The following NPHP3 variants were observed in gnomAD, a reference collection of about 807,000 sequenced individuals.
NPHP3 encodes nephrocystin-3.
A neutral mutation model predicts 171.9 loss-of-function variants in NPHP3; 123 were observed. The observed-to-expected ratio is 0.72, with a 90% confidence interval of 0.62 to 0.83. The LOEUF is 0.83. Among genes scored for constraint, NPHP3 ranks in the 40% least tolerant of loss-of-function variants. NPHP3 has a pLI of 0.00. For synonymous variants in NPHP3, 558 were observed against 579.2 expected, an observed-to-expected ratio of 0.96 and a Z score of 0.52; for missense variants, 1,506 against 1,591.9, an observed-to-expected ratio of 0.95 and a Z score of 0.92.
At position 132,690,508 on chromosome 3, in the gene NPHP3, T is replaced by A. The variant is rs767844893; in HGVS notation, c.2693+20A>T. The A allele has an allele frequency of 5.6e-6, 9 of 1,606,450 alleles. No homozygotes were observed. The highest frequency in any genetic ancestry group is 7.7e-6 in the Non-Finnish European group (9 of 1,173,224). Reference sequence around the variant, plus strand: ...TTAAATCTCTCTTTCTGGGGAAAGATGTTCTATAATGTTTCTTACCTTTTA... The same window carrying A: ...TTAAATCTCTCTTTCTGGGGAAAGAAGTTCTATAATGTTTCTTACCTTTTA... On this transcript the variant is annotated intron_variant, in intron 19 of 26. Transcript: ENST00000337331.
intron 21 of NPHP3, 83 bp downstream of exon 21, chr3:132,688,563 GTGAT>G (rs1939218924): frequency 2.1e-6 from 3 of 1,405,170 alleles, no homozygotes; most frequent in Non-Finnish European, 3.0e-6. Flanking sequence ...AAAGTACACA[GTGAT>G]AAAACAAAGC....
chr3:132,699,840 A>G (rs932058140), intron 12 of NPHP3, 78 bp downstream of exon 12: 24 of 1,463,540 alleles, frequency 1.6e-5, no homozygotes, highest in South Asian at 9.2e-5. Context: ...TCACAAACAT[A>G]TAAATGCCTG....
Position 132,719,008 on chromosome 3 carries a change from C to A in NPHP3, c.656G>T (p.Cys219Phe). ...DPGESDSDDN[C>F]TDVTAAGTQC... is the part of the protein sequence containing the mutation. ...TATACACTTACCAGTGACATCTGTACAGTTGTCATCTGAATCAGACTCCCC... is the reference window on the plus strand; with the variant it reads ...TATACACTTACCAGTGACATCTGTAAAGTTGTCATCTGAATCAGACTCCCC... The change falls in exon 3 of 27, where the codon TGT (cysteine) becomes TTT (phenylalanine). Residue 219 changes from cysteine to phenylalanine, a missense_variant. This residue lies in a region of NPHP3 where 930 missense variants were observed against 924.9 expected (regional missense o/e 1.01). Transcript: ENST00000337331. 6.2e-7 allele frequency: 1 copy of A among 1,614,120 alleles called. No homozygotes were observed. The highest frequency in any genetic ancestry group is 8.5e-7 in the Non-Finnish European group (1 of 1,179,998).
chr3:132,691,050 T>C, intron 18 of NPHP3, 142 bp downstream of exon 18: 1 of 759,814 alleles, frequency 1.3e-6, no homozygotes, highest in Non-Finnish European at 2.3e-6. Flanking sequence ...CTTTTGACAT[T>C]AACAGAATAG....
chr3:132,705,375 G>A (rs757959407), intron 8 of NPHP3, among the ~76,000 whole-genome samples: 1 of 152,052 alleles, frequency 6.6e-6, no homozygotes, highest in Non-Finnish European at 1.5e-5. Flanking sequence ...ATAACATGGG[G>A]GGAAAACCTG....
At chr3:132,704,087 T>C (rs1217078935) in intron 9 of NPHP3, 111 bp downstream of exon 9, 5 of 1,084,024 alleles carry the variant, frequency 4.6e-6, no homozygotes, top group Non-Finnish European at 7.1e-6. Flanking sequence ...GCCATGAGAT[T>C]AGACAACTAA....
At position 132,700,378 on chromosome 3, in the gene NPHP3, T is replaced by C. The variant is rs1323697897; in HGVS notation, c.1699A>G (p.Thr567Ala). ...LSHFVGRPMSTSSESSLIIKR... is the reference protein window; with the variant it reads ...LSHFVGRPMSASSESSLIIKR... ...ATAATCAAGGAGGACTCTGAGCTGG[T>C]TGACATGGGCCTTCCCACAAAATGG... Residue 567 changes from threonine to alanine, a missense_variant, in exon 11 of 27, where the codon ACC (threonine) becomes GCC (alanine). Thr to Ala is a moderately conservative substitution (Grantham distance 58). Coordinates refer to ENST00000337331, the MANE Select transcript of NPHP3 (RefSeq NM_153240.5). 1 of 1,613,482 alleles carries C rather than the reference T, an allele frequency of 6.2e-7. No homozygotes were observed. The highest frequency in any genetic ancestry group is 8.5e-7 in the Non-Finnish European group (1 of 1,179,526).
chr3:132,708,379 C>T (rs1939815186), intron 6 of NPHP3, 122 bp from the exon 7 acceptor site: 4 of 915,060 alleles, frequency 4.4e-6, no homozygotes, highest in Admixed American at 1.9e-5. Context: ...AAAGGTCCAA[C>T]TGCACAACAA....
chr3:132,690,519 G>A lies in NPHP3; in HGVS notation c.2693+9C>T, dbSNP rs754254215. ...TTTCTGGGGAAAGATGTTCTATAAT[G>A]TTTCTTACCTTTTATAAAGGTTTTG... On this transcript the variant is annotated intron_variant, in intron 19 of 26. Coordinates refer to ENST00000337331, the MANE Select transcript of NPHP3 (RefSeq NM_153240.5). The A allele has an allele frequency of 3.7e-6, 6 of 1,611,248 alleles. No homozygotes were observed. Among genetic ancestry groups the A allele is most frequent in the Non-Finnish European group, 8.5e-7 (1 of 1,177,522 alleles).
At chr3:132,701,586 C>T (rs1939607355) in intron 9 of NPHP3, 53 bp from the exon 10 acceptor site, 1 of 1,103,870 alleles carries the variant, frequency 9.1e-7, no homozygotes, top group African/African-American at 1.5e-5. Flanking sequence ...TCTGAGACTA[C>T]TGAAGAGTCA....
chr3:132,697,362 C>G lies in NPHP3; in HGVS notation c.1986G>C (p.Arg662Ser), dbSNP rs77533254. 1.3e-6 allele frequency: 2 copies of G among 1,593,464 alleles called. No homozygotes were observed. Among genetic ancestry groups the G allele is most frequent in the Non-Finnish European group, 8.6e-7 (1 of 1,163,830 alleles). The change falls in exon 14 of 27, where the codon AGG becomes AGC. Residue 662 changes from arginine to serine, a missense_variant and splice_region_variant. Physicochemically the swap from Arg to Ser is moderately radical, Grantham distance 110 (BLOSUM62 -1). Transcript: ENST00000337331. ...VNVETCPPAW[R>S]LWPTLHLDPL... ...GATCAAGATGAAGTGTAGGCCACAA[C>G]CTTTTATGTAAAGAAAAGAAAAATG...
chr3:132,702,712 T>C (rs1939645794), intron 9 of NPHP3, among the ~76,000 whole-genome samples: 1 of 152,196 alleles, frequency 6.6e-6, no homozygotes, highest in African/African-American at 2.4e-5. Context: ...ATTTTTCTAC[T>C]TGTTATATTT....
rs919515967 is a variant in NPHP3 at position 132,681,758 on chromosome 3, A to T, written c.*152T>A. 5.7e-6 allele frequency: 4 copies of T among 702,552 alleles called. No individual in the cohort carries two copies. The highest frequency in any genetic ancestry group is 1.0e-5 in the Non-Finnish European group (4 of 400,296). 43.5% of individuals were successfully genotyped at this position (702,552 alleles called of 1,614,324 possible). The stretch of plus-strand genomic sequence containing the variant: ...ACAGACATAATCACAATTCCAACTT[A>T]ATGTAATCCAATACAACTTCATACA... On this transcript the variant is annotated 3_prime_UTR_variant, in exon 27 of 27. Transcript: ENST00000337331.
At chr3:132,695,035 A>T in intron 15 of NPHP3, 70 bp from the exon 16 acceptor site, 1 of 1,461,962 alleles carries the variant, frequency 6.8e-7, no homozygotes. Flanking sequence ...GAGATCGATT[A>T]AAAACAACGT....
In NPHP3 at chr3:132,686,353, T is replaced by C. The variant is rs1288737489; in HGVS notation, c.3236A>G (p.Gln1079Arg). The change falls in exon 23 of 27, where the codon CAG becomes CGG. Residue 1079 changes from glutamine (Q) to arginine (R), a missense_variant. Gln to Arg is a conservative substitution (Grantham distance 43). Around this residue, in one of 3 missense-constraint regions of NPHP3, gnomAD observed 569 missense variants for 648.1 expected, o/e 0.88. Transcript: ENST00000337331. The part of the protein sequence containing the change: ...GFALLRRRAL[Q>R]LEELTLGKDT... ...CTTACCTAATGTAAGCTCTTCTAAC[T>C]GTAAAGCCCGTCTACGTAAAAGGGC... The C allele has an allele frequency of 3.7e-6, 6 of 1,614,002 alleles. No individual in the cohort carries two copies. The highest frequency in any genetic ancestry group is 1.3e-5 in the African/African-American group (1 of 74,936).
rs1321704399 is a variant in NPHP3 at position 132,712,939 on chromosome 3, A to G, written c.1118+187T>C. 2.0e-5 allele frequency among the ~76,000 whole-genome samples: 3 copies of G among 152,308 alleles called. No individual in the cohort carries two copies. In the Middle Eastern group the frequency reaches 0.01, roughly 518 times the overall value. ...AAGGTGTTGATCATATGACCTATGA[A>G]ACAAGTCTAACAGCTTAAAACTTTT... is the stretch of plus-strand genomic sequence containing the variant. On this transcript the variant is annotated intron_variant, in intron 6 of 26. Coordinates refer to ENST00000337331, the MANE Select transcript of NPHP3 (RefSeq NM_153240.5).
chr3:132,692,875 G>A, intron 16 of NPHP3, 57 bp from the exon 17 acceptor site: 1 of 1,403,478 alleles, frequency 7.1e-7, no homozygotes, highest in Non-Finnish European at 1.0e-6. Context: ...GTAACTAACG[G>A]CCATTAAAAG....
rs1939334162 is a variant in NPHP3, at chr3:132,692,826, G to GA, written c.2311-9dup. 1 of 1,612,792 alleles carries GA rather than the reference G, an allele frequency of 6.2e-7. No individual in the cohort carries two copies. The highest frequency in any genetic ancestry group is 1.3e-5 in the African/African-American group (1 of 74,870). ...ATTGACAAGGCAGAGGATCTAGGTA[G>GA]AAAAACAAATTAACAGTAATCATAA... On this transcript the variant is annotated splice_polypyrimidine_tract_variant and intron_variant, in intron 16 of 26. Transcript: ENST00000337331.
At chr3:132,699,783 C>T (rs1939557832) in intron 12 of NPHP3, 135 bp downstream of exon 12, 2 of 964,300 alleles carry the variant, frequency 2.1e-6, no homozygotes, top group Non-Finnish European at 3.1e-6. Context: ...CATGTTACCT[C>T]CCTAGAAATA....
Sources: allele counts gnomAD v4.1 joint callset (sites outside exome capture counted in the v4.1 genomes callset), GRCh38; gene constraint gnomAD v4.1.1; regional missense constraint gnomAD v4.1.1; transcripts MANE v1.5; gene names NCBI Gene and HGNC (gene_info 2026-07-23, HGNC 2026-07-21).